The following PRKCE variants were observed in gnomAD, a reference collection of about 807,000 sequenced individuals.
The protein encoded by PRKCE is protein kinase C epsilon, also known as protein kinase C epsilon type.
In PRKCE, 16 loss-of-function variants were observed where a neutral mutation model predicts 85.4. The ratio of observed to expected loss-of-function variants is 0.19; its 90% CI spans 0.13 to 0.28. PRKCE has a LOEUF of 0.28. Ranked by LOEUF, PRKCE falls within the 10% of genes least tolerant of loss-of-function variation. PRKCE has a pLI of 1.00. For missense variants in PRKCE, 573 were observed against 975.2 expected, an observed-to-expected ratio of 0.59 and a Z score of 5.49; for synonymous variants, 388 against 371.5, an observed-to-expected ratio of 1.04 and a Z score of -0.51.
intron 1 of PRKCE, among the ~76,000 whole-genome samples, chr2:45,782,884 T>G (rs1429693458): frequency 6.6e-6 from 1 of 152,212 alleles, no homozygotes; most frequent in Non-Finnish European, 1.5e-5. Flanking sequence ...TTCTCGTGTC[T>G]GAATCCAGAA....
intron 12 of PRKCE, among the ~76,000 whole-genome samples, chr2:46,147,240 G>T (rs1676153236): frequency 1.3e-5 from 2 of 152,200 alleles, no homozygotes; most frequent in Non-Finnish European, 1.5e-5. Flanking sequence ...GAAAGCAAGA[G>T]CTTTCGACAG....
chr2:45,953,720 A>C (rs1700783951), intron 2 of PRKCE, among the ~76,000 whole-genome samples: 1 of 152,154 alleles, frequency 6.6e-6, no homozygotes, highest in Non-Finnish European at 1.5e-5. Context: ...CTTTAAGAAA[A>C]GTACCAGTGC....
chr2:45,677,028 T>G (rs1424823958), intron 1 of PRKCE: 1 of 151,598 alleles, frequency 6.6e-6, no homozygotes, highest in Non-Finnish European at 1.5e-5. Context: ...CATGGGGAGT[T>G]GGGGAAGGCT....
rs548833353 is a variant in PRKCE at position 45,961,018 on chromosome 2, G to T, written c.413-15411G>T. Among the ~76,000 whole-genome samples, 6 of 152,294 alleles carry T rather than the reference G, an allele frequency of 3.9e-5. 1 individual carries two copies. In the South Asian group the frequency reaches 1.2e-3, roughly 32 times the overall value. ...ACACAGAGGGGCTGGAAGCAAGAGG[G>T]ATCACTTTATTTTTTAGAATACCAG... On this transcript the variant is annotated intron_variant, in intron 2 of 14. Coordinates refer to ENST00000306156, the MANE Select transcript of PRKCE (RefSeq NM_005400.3).
At chr2:45,795,103 C>T (rs991446527) in intron 1 of PRKCE, among the ~76,000 whole-genome samples, 14 of 152,268 alleles carry the variant, frequency 9.2e-5, no homozygotes, top group African/African-American at 2.4e-4. Context: ...AGGTCCCCCA[C>T]GGGGGTTTCC....
chr2:45,979,111 C>G, intron 4 of PRKCE, 101 bp downstream of exon 4: 1 of 1,066,456 alleles, frequency 9.4e-7, no homozygotes, highest in Non-Finnish European at 1.4e-6. Context: ...CATTTGGAGG[C>G]TCTCCACAGC....
At chr2:46,070,338 A>G (rs941457503) in intron 10 of PRKCE, among the ~76,000 whole-genome samples, 1 of 152,192 alleles carries the variant, frequency 6.6e-6, no homozygotes, top group Non-Finnish European at 1.5e-5. Flanking sequence ...TTCATTTTTG[A>G]TGTATAAAAA....
intron 11 of PRKCE, among the ~76,000 whole-genome samples, chr2:46,112,380 T>C (rs1272323606): frequency 6.6e-6 from 1 of 152,244 alleles, no homozygotes; most frequent in Non-Finnish European, 1.5e-5. Flanking sequence ...ATTTGTTTTA[T>C]CCACTCCATC....
chr2:45,910,086 C>T (rs1697275500), intron 2 of PRKCE, among the ~76,000 whole-genome samples: 1 of 152,078 alleles, frequency 6.6e-6, no homozygotes, highest in Admixed American at 6.6e-5. Flanking sequence ...ACCAGGATAC[C>T]TCAACTCATG....
chr2:45,958,808 ATATATATATTTTTTTTTTTTTT>A (rs1701167587), intron 2 of PRKCE, among the ~76,000 whole-genome samples: 1 of 23,814 alleles, frequency 4.2e-5, no homozygotes, highest in African/African-American at 1.8e-4. Flanking sequence ...ATATATATAT[ATATATATATTTTTTTTTTTTTT>A]TTTTTTTTTT....
At chr2:45,922,479 A>G (rs1007846033) in intron 2 of PRKCE, among the ~76,000 whole-genome samples, 2 of 152,192 alleles carry the variant, frequency 1.3e-5, no homozygotes, top group African/African-American at 4.8e-5. Context: ...GAGGGGGTCA[A>G]CTGCCCTCCC....
At chr2:45,835,364 C>A (rs1690771818) in intron 1 of PRKCE, among the ~76,000 whole-genome samples, 2 of 152,176 alleles carry the variant, frequency 1.3e-5, no homozygotes, top group Non-Finnish European at 2.9e-5. Flanking sequence ...CATGGAGCAG[C>A]CACCACAATC....
chr2:46,126,621 T>C (rs905319444), intron 11 of PRKCE, among the ~76,000 whole-genome samples: 24 of 152,230 alleles, frequency 1.6e-4, no homozygotes, highest in Non-Finnish European at 1.3e-4. Flanking sequence ...ATATTTCCCA[T>C]TTGAATATCA....
chr2:45,917,256 C>T (rs576841201), intron 2 of PRKCE, among the ~76,000 whole-genome samples: 5 of 152,224 alleles, frequency 3.3e-5, no homozygotes, highest in South Asian at 2.1e-4. Flanking sequence ...TTCTCCAAGT[C>T]GCCGCCAGAG....
chr2:46,036,514 C>A (rs1707871300), intron 10 of PRKCE, among the ~76,000 whole-genome samples: 1 of 152,092 alleles, frequency 6.6e-6, no homozygotes, highest in Non-Finnish European at 1.5e-5. Flanking sequence ...CACTAGAGCC[C>A]AGGAGGTGGG....
intron 2 of PRKCE, among the ~76,000 whole-genome samples, chr2:45,893,678 G>T (rs1695909188): frequency 6.6e-6 from 1 of 152,030 alleles, no homozygotes; most frequent in Admixed American, 6.5e-5. Flanking sequence ...ATGTCTTTCT[G>T]CTTGGGGCCT....
chr2:45,730,952 G>C (rs1681521868), intron 1 of PRKCE, among the ~76,000 whole-genome samples: 2 of 152,220 alleles, frequency 1.3e-5, no homozygotes, highest in African/African-American at 4.8e-5. Context: ...GATATTCCTG[G>C]ATTTATCTAA....
chr2:45,902,521 C>G (rs1696655165), intron 2 of PRKCE, among the ~76,000 whole-genome samples: 1 of 152,128 alleles, frequency 6.6e-6, no homozygotes. Context: ...GATTAACATC[C>G]TGAGGACATG....
At chr2:46,175,127 T>C (rs538104805) in intron 14 of PRKCE, among the ~76,000 whole-genome samples, 1 of 152,262 alleles carries the variant, frequency 6.6e-6, no homozygotes, top group African/African-American at 2.4e-5. Context: ...CACCAGTATA[T>C]ATAAAGTTTA....
Sources: allele counts gnomAD v4.1 joint callset (sites outside exome capture counted in the v4.1 genomes callset), GRCh38; gene constraint gnomAD v4.1.1; transcripts MANE v1.5; gene names NCBI Gene and HGNC (gene_info 2026-07-23, HGNC 2026-07-21).